The following RABL6 variants were observed in gnomAD, a reference collection of about 807,000 sequenced individuals.
RABL6 encodes rab-like protein 6.
In RABL6, 28 loss-of-function variants were observed where a neutral mutation model predicts 72.9. The ratio of observed to expected loss-of-function variants is 0.38; its 90% CI spans 0.28 to 0.53. RABL6 has a LOEUF of 0.53. Ranked by LOEUF, RABL6 falls within the 20% of genes least tolerant of loss-of-function variation. The probability of loss-of-function intolerance (pLI) is 0.80; values close to 1 mark genes in which losing one functional copy is unlikely to be tolerated. For missense variants in RABL6, 1,029 were observed against 1,008.4 expected (o/e 1.02, Z -0.28); for synonymous variants, 477 against 421.2 (o/e 1.13, Z -1.62).
chr9:136,812,766 G>T, intron 1 of RABL6: 1 of 332,218 alleles, frequency 3.0e-6, no homozygotes, highest in South Asian at 3.0e-5. Flanking sequence ...GAGAGGGAAA[G>T]ACAAAGGGAC....
chr9:136,835,544 A>G, intron 7 of RABL6, 198 bp from the exon 8 acceptor site: 1 of 538,136 alleles, frequency 1.9e-6, no homozygotes, highest in South Asian at 2.7e-5. Context: ...CGTGCCGGCC[A>G]CCGCAGAGGA....
chr9:136,837,708 G>T, intron 9 of RABL6, 46 bp downstream of exon 9: 1 of 1,548,112 alleles, frequency 6.5e-7, no homozygotes. Context: ...AGACCCCCAG[G>T]CCCTCACAGG....
In RABL6 at chr9:136,839,279, AC is replaced by A. The variant is rs755631481; in HGVS notation, c.1557del (p.Trp520GlyfsTer79). On this transcript the variant is annotated frameshift_variant, in exon 12 of 15. Coordinates refer to ENST00000311502, the MANE Select transcript of RABL6 (RefSeq NM_024718.5). LOFTEE classifies it high-confidence loss of function. ...RGTAPTRTAA[P>X]PWPGGVSVRT... ...GGACAGCTCCCACGAGGACCGCAGCACCCCCCTGGCCAGGCGGTGTCTCTGT... is the reference window on the plus strand; with the variant it reads ...GGACAGCTCCCACGAGGACCGCAGCACCCCCTGGCCAGGCGGTGTCTCTGT... The A allele has an allele frequency of 1.9e-6, 3 of 1,609,066 alleles. No individual in the cohort carries two copies. Among genetic ancestry groups the A allele is most frequent in the South Asian group, 1.1e-5 (1 of 90,578 alleles).
chr9:136,812,825 C>T (rs1488725215), intron 1 of RABL6: 3 of 353,880 alleles, frequency 8.5e-6, no homozygotes, highest in Non-Finnish European at 1.7e-5. Flanking sequence ...GTGGTCACCT[C>T]TGCCTCCCCA....
At chr9:136,816,172 T>C (rs1159312285) in intron 1 of RABL6, among the ~76,000 whole-genome samples, 2 of 152,178 alleles carry the variant, frequency 1.3e-5, no homozygotes, top group East Asian at 3.9e-4. Flanking sequence ...TGGCGCAATC[T>C]TGACTCACTG....
chr9:136,813,958 G>T, intron 1 of RABL6: 1 of 383,500 alleles, frequency 2.6e-6, no homozygotes, highest in East Asian at 8.4e-5. Flanking sequence ...GACTTTGTAA[G>T]GGAGATTTGT....
At chr9:136,813,298 G>T in intron 1 of RABL6, 1 of 624,896 alleles carries the variant, frequency 1.6e-6, no homozygotes, top group Non-Finnish European at 3.0e-6. Context: ...ACACCCTTTA[G>T]ATTTGCCATT....
At chr9:136,837,803 G>A in intron 9 of RABL6, 59 bp from the exon 10 acceptor site, 2 of 1,542,182 alleles carry the variant, frequency 1.3e-6, no homozygotes, top group Non-Finnish European at 1.8e-6. Flanking sequence ...CTGGCTTGGG[G>A]TTGGGTGCAG....
Position 136,840,624 on chromosome 9 carries a change from G to A in RABL6, c.*102G>A, listed in dbSNP as rs1848677967. On this transcript the variant is annotated 3_prime_UTR_variant, in exon 15 of 15. Transcript: ENST00000311502. Reference sequence around the variant, plus strand: ...TCGCCTTTGCCGCTGCCCCGTGGCTGCCGTGTGCGCTTCTGAGCTGGAAGA... The same window carrying A: ...TCGCCTTTGCCGCTGCCCCGTGGCTACCGTGTGCGCTTCTGAGCTGGAAGA... The A allele has an allele frequency of 6.5e-7, 1 of 1,549,606 alleles. No individual in the cohort carries two copies. Among genetic ancestry groups the A allele is most frequent in the Non-Finnish European group, 8.7e-7 (1 of 1,146,830 alleles).
At chr9:136,828,389 C>T in intron 3 of RABL6, 105 bp from the exon 4 acceptor site, 2 of 1,157,854 alleles carry the variant, frequency 1.7e-6, no homozygotes, top group Non-Finnish European at 1.3e-6. Context: ...TGGAGTAGAG[C>T]ACCCGCTGGA....
chr9:136,840,089 CCTGTCA>C, intron 13 of RABL6, 59 bp from the exon 14 acceptor site: 2 of 1,605,240 alleles, frequency 1.2e-6, no homozygotes, highest in East Asian at 4.5e-5. Context: ...CTAGAGAAGT[CCTGTCA>C]CCCAGCTTGG....
intron 1 of RABL6, among the ~76,000 whole-genome samples, chr9:136,820,386 T>G (rs919626308): frequency 1.3e-5 from 2 of 151,994 alleles, no homozygotes; most frequent in African/African-American, 4.8e-5. Context: ...TTTTGTTGTT[T>G]TTTTTGAGAC....
At chr9:136,814,026 T>C (rs753425232) in intron 1 of RABL6, 12 of 410,962 alleles carry the variant, frequency 2.9e-5, no homozygotes, top group African/African-American at 6.5e-5. Flanking sequence ...TTGGTTTCTC[T>C]AGTTTAATTT....
chr9:136,824,876 TC>T (rs1284448288), intron 2 of RABL6, among the ~76,000 whole-genome samples: 1 of 152,182 alleles, frequency 6.6e-6, no homozygotes, highest in Non-Finnish European at 1.5e-5. Context: ...CGCACCCTCT[TC>T]CTGGTTTGGG....
At position 136,839,341 on chromosome 9, in the gene RABL6, C is replaced by T. The variant is rs752978848; in HGVS notation, c.1613C>T (p.Pro538Leu). The T allele has an allele frequency of 5.0e-6, 8 of 1,612,700 alleles. No individual in the cohort carries two copies. The East Asian group carries it at 1.1e-4, about 22-fold the overall frequency. ...TGPEKRSSTR[P>L]PAEMEPGKGE... ...CCGGAGAAGCGCAGCAGCACCAGGC[C>T]CCCTGCTGAGATGGAGCCGGGGAAG... The change falls in exon 12 of 15, where the codon CCC becomes CTC. Residue 538 changes from proline (P) to leucine (L), a missense_variant. Physicochemically the swap from Pro to Leu is moderately conservative, Grantham distance 98. Around this residue, in one of 2 missense-constraint regions of RABL6, gnomAD observed 595 missense variants for 472.4 expected, o/e 1.26. Transcript: ENST00000311502.
At chr9:136,814,491 G>GTT (rs1413336899) in intron 1 of RABL6, 2 of 148,192 alleles carry the variant, frequency 1.3e-5, no homozygotes, top group Non-Finnish European at 3.0e-5. Context: ...ATGGATACTA[G>GTT]TTTTTAACTC....
At position 136,839,592 on chromosome 9, in the gene RABL6, T is replaced by C. The variant is rs1848650015; in HGVS notation, c.1759-102T>C. 6.5e-6 allele frequency: 10 copies of C among 1,549,860 alleles called. No individual in the cohort carries two copies. The Middle Eastern group carries it at 5.2e-4, about 81-fold the overall frequency. ...GGAGGAGGCTTCTGGAAGAGGCATC[T>C]CATGTCCCCACACTTGGGCCTTGCC... On this transcript the variant is annotated intron_variant, in intron 12 of 14. Coordinates refer to ENST00000311502, the MANE Select transcript of RABL6 (RefSeq NM_024718.5).
intron 1 of RABL6, among the ~76,000 whole-genome samples, chr9:136,822,651 C>T (rs1354001553): frequency 6.6e-6 from 1 of 152,182 alleles, no homozygotes; most frequent in Non-Finnish European, 1.5e-5. Context: ...AGCTGCCCTC[C>T]CTCCCCCATC....
Position 136,839,820 on chromosome 9 carries a change from G to C in RABL6, c.1885G>C (p.Gly629Arg), listed in dbSNP as rs147124725. Residue 629 changes from glycine to arginine, a missense_variant, in exon 13 of 15, where the codon GGG becomes CGG. This residue lies in a region of RABL6 where 595 missense variants were observed against 472.4 expected (regional missense o/e 1.26). Coordinates refer to ENST00000311502, the MANE Select transcript of RABL6 (RefSeq NM_024718.5). ...ACTGAAGAATGACTCGGACCTCTTC[G>C]GGCTGGGGCTGGAGGAGGCCGGACC... is the stretch of plus-strand genomic sequence containing the variant. The part of the protein sequence containing the change: ...FRLKNDSDLF[G>R]LGLEEAGPKE... 1 of 1,612,694 alleles carries C rather than the reference G, an allele frequency of 6.2e-7. No individual in the cohort carries two copies. Among genetic ancestry groups the C allele is most frequent in the Non-Finnish European group, 8.5e-7 (1 of 1,179,812 alleles).
Sources: allele counts gnomAD v4.1 joint callset (sites outside exome capture counted in the v4.1 genomes callset), GRCh38; gene constraint gnomAD v4.1.1; regional missense constraint gnomAD v4.1.1; transcripts MANE v1.5; gene names NCBI Gene and HGNC (gene_info 2026-07-23, HGNC 2026-07-21).